N4BP1: variants seen among roughly 807,000 people sequenced by gnomAD.
N4BP1 encodes NEDD4-binding protein 1.
A neutral mutation model predicts 70.9 loss-of-function variants in N4BP1; 21 were observed. The ratio of observed to expected loss-of-function variants is 0.30; its 90% confidence interval spans 0.21 to 0.43. The LOEUF is 0.43. N4BP1 is among the 20% of genes least tolerant of loss of function. N4BP1 has a pLI of 1.00. For missense variants in N4BP1, 936 were observed against 1,069.4 expected (o/e 0.88, Z 1.74); for synonymous variants, 387 against 394.6 (o/e 0.98, Z 0.23).
chr16:48,561,654 T>C lies in N4BP1; in HGVS notation c.989A>G (p.Asp330Gly). Residue 330 changes from aspartate to glycine, a missense_variant, in exon 2 of 7, where the codon GAT becomes GGT. Asp to Gly is a moderately conservative substitution (Grantham distance 94). This residue lies in a region of N4BP1 where 515 missense variants were observed against 491.7 expected (regional missense o/e 1.05). Coordinates refer to ENST00000262384, the MANE Select transcript of N4BP1 (RefSeq NM_153029.4). ...TATATCTGGACTTAAATTTTCAGAA[T>C]CAGCAGAAGAATCAGATAGGTCAGC... ...VIADLSDSSA[D>G]SENLSPDIKE... The C allele has an allele frequency of 2.5e-6, 4 of 1,613,426 alleles. No homozygotes were observed. The highest frequency in any genetic ancestry group is 3.4e-6 in the Non-Finnish European group (4 of 1,179,832).
chr16:48,603,078 T>A (rs1964528183), intron 1 of N4BP1, among the ~76,000 whole-genome samples: 1 of 152,198 alleles, frequency 6.6e-6, no homozygotes, highest in African/African-American at 2.4e-5. Flanking sequence ...CTGGTCAACT[T>A]GAACCCTCTG....
chr16:48,603,127 A>T (rs1393006272), intron 1 of N4BP1, among the ~76,000 whole-genome samples: 1 of 151,444 alleles, frequency 6.6e-6, no homozygotes, highest in Non-Finnish European at 1.5e-5. Flanking sequence ...CTTTAATTAC[A>T]TTTTTTTTTC....
At chr16:48,573,815 G>A (rs1024945735) in intron 1 of N4BP1, among the ~76,000 whole-genome samples, 7 of 152,110 alleles carry the variant, frequency 4.6e-5, no homozygotes, top group African/African-American at 9.7e-5. Context: ...ATTATATACT[G>A]TATTCATAAT....
intron 1 of N4BP1, among the ~76,000 whole-genome samples, chr16:48,586,831 C>CT (rs1005874744): frequency 3.3e-5 from 5 of 151,890 alleles, no homozygotes; most frequent in African/African-American, 1.2e-4. Flanking sequence ...GAAGCATGGT[C>CT]TTCTCTGGAT....
intron 1 of N4BP1, among the ~76,000 whole-genome samples, chr16:48,589,546 T>A: frequency 6.6e-6 from 1 of 152,160 alleles, no homozygotes; most frequent in African/African-American, 2.4e-5. Context: ...ATGCATCGCT[T>A]CATCTATAAC....
At chr16:48,557,758 TA>T (rs1358553688) in intron 2 of N4BP1, among the ~76,000 whole-genome samples, 1 of 152,174 alleles carries the variant, frequency 6.6e-6, no homozygotes, top group Non-Finnish European at 1.5e-5. Context: ...AGTGAGACTT[TA>T]CCTCTTAAAA....
intron 3 of N4BP1, among the ~76,000 whole-genome samples, chr16:48,552,323 C>A (rs1253179079): frequency 2.0e-5 from 3 of 152,080 alleles, no homozygotes; most frequent in African/African-American, 7.2e-5. Context: ...CAGCTAAAAG[C>A]TCAGGGCCTG....
At chr16:48,555,328 G>C (rs1963734464) in intron 2 of N4BP1, among the ~76,000 whole-genome samples, 2 of 152,166 alleles carry the variant, frequency 1.3e-5, no homozygotes, top group African/African-American at 2.4e-5. Context: ...TCATACTCCG[G>C]CTTCCTCACG....
intron 1 of N4BP1, among the ~76,000 whole-genome samples, chr16:48,583,266 CATAG>C (rs1180772687): frequency 6.6e-6 from 1 of 152,054 alleles, no homozygotes; most frequent in African/African-American, 2.4e-5. Context: ...TTTGCAACAT[CATAG>C]ATAAACCTGA....
At chr16:48,551,088 C>T (rs1963659030) in intron 4 of N4BP1, among the ~76,000 whole-genome samples, 1 of 152,186 alleles carries the variant, frequency 6.6e-6, no homozygotes, top group Admixed American at 6.5e-5. Context: ...AAACCATTTT[C>T]AAGCCTGCCA....
chr16:48,593,303 T>C (rs955107271), intron 1 of N4BP1, among the ~76,000 whole-genome samples: 3 of 152,218 alleles, frequency 2.0e-5, no homozygotes, highest in African/African-American at 7.2e-5. Context: ...GAGTTAACAG[T>C]GTAACATGTA....
chr16:48,574,781 G>T (rs1309481251), intron 1 of N4BP1, among the ~76,000 whole-genome samples: 1 of 152,178 alleles, frequency 6.6e-6, no homozygotes, highest in African/African-American at 2.4e-5. Context: ...CACAGAAAGT[G>T]ATATTCAGGG....
intron 6 of N4BP1, among the ~76,000 whole-genome samples, chr16:48,544,950 TG>T (rs1670163579): frequency 6.6e-6 from 1 of 152,052 alleles, no homozygotes; most frequent in Non-Finnish European, 1.5e-5. Context: ...ACCACCAGCT[TG>T]GAAAACTAGC....
At chr16:48,570,195 T>A (rs1248245808) in intron 1 of N4BP1, among the ~76,000 whole-genome samples, 1 of 152,196 alleles carries the variant, frequency 6.6e-6, no homozygotes, top group East Asian at 1.9e-4. Context: ...CGGTTTTAGA[T>A]GTTTCCTTTT....
intron 6 of N4BP1, 122 bp from the exon 7 acceptor site, chr16:48,543,383 G>T: frequency 1.3e-6 from 1 of 798,656 alleles, no homozygotes; most frequent in Non-Finnish European, 1.9e-6. Flanking sequence ...GCTTCCAAAG[G>T]CAGGATGCAA....
chr16:48,552,792 T>C (rs933232231), intron 3 of N4BP1, among the ~76,000 whole-genome samples: 4 of 147,906 alleles, frequency 2.7e-5, no homozygotes, highest in Non-Finnish European at 5.9e-5. Context: ...ATCTGCTTCA[T>C]TCCTTATGTA....
intron 1 of N4BP1, among the ~76,000 whole-genome samples, chr16:48,579,278 G>C (rs993239038): frequency 6.6e-6 from 1 of 152,098 alleles, no homozygotes; most frequent in African/African-American, 2.4e-5. Context: ...GGTTAACATT[G>C]TTTAAGAGGG....
At chr16:48,584,859 T>C (rs766999028) in intron 1 of N4BP1, among the ~76,000 whole-genome samples, 1 of 152,210 alleles carries the variant, frequency 6.6e-6, no homozygotes, top group Non-Finnish European at 1.5e-5. Flanking sequence ...CAAATCAGTA[T>C]TATTTTATTA....
chr16:48,582,255 A>G (rs2151096120), intron 1 of N4BP1, among the ~76,000 whole-genome samples: 1 of 152,300 alleles, frequency 6.6e-6, no homozygotes, highest in East Asian at 1.9e-4. Context: ...TATTAAATAG[A>G]AAACTCCAGA....
Sources: allele counts gnomAD v4.1 joint callset (sites outside exome capture counted in the v4.1 genomes callset), GRCh38; gene constraint gnomAD v4.1.1; regional missense constraint gnomAD v4.1.1; transcripts MANE v1.5; gene names NCBI Gene and HGNC (gene_info 2026-07-23, HGNC 2026-07-21).